RYR3: variants seen among roughly 807,000 people sequenced by gnomAD.
RYR3 encodes brain ryanodine receptor-calcium release channel.
In RYR3, 207 loss-of-function variants were observed where a neutral mutation model predicts 584.3. The observed-to-expected ratio is 0.35, with a 90% CI of 0.32 to 0.40. The LOEUF (loss-of-function observed/expected upper bound fraction) is 0.40. Among genes scored for constraint, RYR3 ranks in the 10% least tolerant of loss-of-function variants. The pLI is 1.00. For missense variants in RYR3, 5,616 were observed against 6,089.2 expected, an observed-to-expected ratio of 0.92 and a Z score of 2.59; for synonymous variants, 2,416 against 2,248.5, an observed-to-expected ratio of 1.07 and a Z score of -2.11.
intron 1 of RYR3, among the ~76,000 whole-genome samples, chr15:33,407,897 C>G (rs529697379): frequency 4.0e-4 from 61 of 152,192 alleles, no homozygotes; most frequent in African/African-American, 1.1e-3. Context: ...TGTTTCCCCT[C>G]TACTCTCATT....
At chr15:33,335,479 G>A (rs746888055) in intron 1 of RYR3, among the ~76,000 whole-genome samples, 1 of 152,136 alleles carries the variant, frequency 6.6e-6, no homozygotes, top group Non-Finnish European at 1.5e-5. Flanking sequence ...GCTATATGAT[G>A]AGAACACATG....
At chr15:33,690,064 T>G (rs1220185055) in intron 38 of RYR3, among the ~76,000 whole-genome samples, 1 of 152,228 alleles carries the variant, frequency 6.6e-6, no homozygotes, top group Non-Finnish European at 1.5e-5. Flanking sequence ...CCTGGACACA[T>G]ATCAACTTCA....
At chr15:33,564,373 A>T (rs2057582131) in intron 11 of RYR3, among the ~76,000 whole-genome samples, 2 of 152,344 alleles carry the variant, frequency 1.3e-5, no homozygotes, top group African/African-American at 2.4e-5. Context: ...AGTACTAGGG[A>T]TATACAAGTC....
intron 54 of RYR3, 44 bp from the exon 55 acceptor site, chr15:33,748,424 A>G (rs759480947): frequency 1.9e-6 from 3 of 1,595,864 alleles, no homozygotes; most frequent in Admixed American, 3.4e-5. Context: ...GATAAGAACA[A>G]GGAAAATAAT....
intron 42 of RYR3, among the ~76,000 whole-genome samples, chr15:33,702,365 T>G (rs2066367505): frequency 6.6e-6 from 1 of 152,132 alleles, no homozygotes; most frequent in Non-Finnish European, 1.5e-5. Flanking sequence ...GAGGAGAGTT[T>G]TGGTAGTAAT....
intron 32 of RYR3, among the ~76,000 whole-genome samples, chr15:33,655,243 C>T (rs975938865): frequency 1.3e-5 from 2 of 152,146 alleles, no homozygotes; most frequent in Non-Finnish European, 2.9e-5. Context: ...ATGATTCTAT[C>T]TCCTCCACCC....
intron 93 of RYR3, chr15:33,846,972 A>G (rs1336456279): frequency 1.3e-5 from 2 of 152,228 alleles, no homozygotes; most frequent in African/African-American, 4.8e-5. Context: ...AAAAAGAAAC[A>G]CTATTTAGCA....
rs1364759155 is a variant in RYR3 at position 33,311,504 on chromosome 15, C to T, written c.51+408C>T. On this transcript the variant is annotated intron_variant, in intron 1 of 103. Transcript: ENST00000634891. This position sits in a 1 kb window ranked among gnomAD's most constrained non-coding sequence, Gnocchi z 4.4. Reference sequence around the variant, plus strand: ...TGACACCTCCATACTCCACCCCAGCCCCATTCCTCTTCCAGGGCGCCCCCA... The same window carrying T: ...TGACACCTCCATACTCCACCCCAGCTCCATTCCTCTTCCAGGGCGCCCCCA... Among the ~76,000 whole-genome samples the T allele has an allele frequency of 6.6e-6, 1 of 152,220 alleles. No homozygotes were observed. The highest frequency in any genetic ancestry group is 2.4e-5 in the African/African-American group (1 of 41,470).
At chr15:33,551,731 T>C (rs964520421) in intron 10 of RYR3, among the ~76,000 whole-genome samples, 11 of 150,154 alleles carry the variant, frequency 7.3e-5, no homozygotes, top group African/African-American at 2.8e-4. Context: ...TCTGAGCATA[T>C]CTTCCTCACT....
At chr15:33,677,958 C>A (rs2064299135) in intron 38 of RYR3, among the ~76,000 whole-genome samples, 1 of 152,130 alleles carries the variant, frequency 6.6e-6, no homozygotes, top group East Asian at 1.9e-4. Flanking sequence ...TGGACACCAC[C>A]TATTTATAGG....
At chr15:33,432,668 T>TGTGTGTGTGTGTGTGGGTG (rs113646851) in intron 1 of RYR3, among the ~76,000 whole-genome samples, 1 of 132,142 alleles carries the variant, frequency 7.6e-6, no homozygotes, top group African/African-American at 3.2e-5. Flanking sequence ...GCCTAGCTAA[T>TGTGTGTGTGTGTGTGGGTG]TGTGTGTGTG....
intron 1 of RYR3, among the ~76,000 whole-genome samples, chr15:33,325,361 A>G (rs1969532734): frequency 1.3e-5 from 2 of 152,234 alleles, no homozygotes; most frequent in Admixed American, 1.3e-4. Context: ...GCCATCACTC[A>G]TATCTAAAGA....
rs751474795 is a variant in RYR3 at position 33,853,732 on chromosome 15, C to A, written c.13799+50C>A. ...TCCAAAGCAGCTAAAATAGATAGAT[C>A]TTTGCTTTTCCATAGGAAAAAATCA... On this transcript the variant is annotated intron_variant, in intron 96 of 103. Transcript: ENST00000634891. The A allele has an allele frequency of 1.9e-5, 30 of 1,577,118 alleles. No individual in the cohort carries two copies. The Admixed American group carries it at 5.1e-4, about 27-fold the overall frequency.
Position 33,836,945 on chromosome 15 carries a change from C to A in RYR3, c.11608C>A (p.Leu3870Ile), listed in dbSNP as rs2078091610. The A allele has an allele frequency of 6.2e-7, 1 of 1,613,636 alleles. No individual in the cohort carries two copies. The highest frequency in any genetic ancestry group is 1.7e-5 in the Admixed American group (1 of 59,960). Residue 3870 changes from leucine to isoleucine, a missense_variant, in exon 88 of 104, where the codon CTC becomes ATC. By Grantham distance (5) the Leu-to-Ile change is conservative (BLOSUM62 2). Around this residue, in one of 9 missense-constraint regions of RYR3, gnomAD observed 13 missense variants for 41.1 expected, o/e 0.32. Transcript: ENST00000634891. ...QIELLKELLD[L>I]LQDMVVMLLS... is the part of the protein sequence containing the mutation. Reference sequence around the variant, plus strand: ...CGAGCTGCTGAAGGAACTCTTGGATCTCCTTCAGGACATGGTGGTGATGCT... The same window carrying A: ...CGAGCTGCTGAAGGAACTCTTGGATATCCTTCAGGACATGGTGGTGATGCT...
intron 1 of RYR3, among the ~76,000 whole-genome samples, chr15:33,409,718 G>A (rs377218264): frequency 7.9e-5 from 12 of 152,202 alleles, no homozygotes; most frequent in Non-Finnish European, 1.2e-4. Context: ...GTGGGTGTAC[G>A]AGAGAGAGAA....
intron 18 of RYR3, among the ~76,000 whole-genome samples, chr15:33,608,394 CAG>C (rs1302917603): frequency 2.0e-5 from 3 of 152,224 alleles, no homozygotes; most frequent in East Asian, 1.9e-4. Flanking sequence ...AAAGCCCTCA[CAG>C]GGGTGGAGAT....
intron 67 of RYR3, among the ~76,000 whole-genome samples, chr15:33,791,932 G>A (rs2075187638): frequency 6.6e-6 from 1 of 152,106 alleles, no homozygotes. Flanking sequence ...GGACAGAGAA[G>A]TGAAATGCAT....
intron 69 of RYR3, among the ~76,000 whole-genome samples, chr15:33,802,534 C>A (rs1256782785): frequency 2.0e-5 from 3 of 151,934 alleles, no homozygotes; most frequent in Admixed American, 6.5e-5. Flanking sequence ...TATCGGACAT[C>A]TGTCTGAAGA....
At position 33,640,223 on chromosome 15, in the gene RYR3, C is replaced by T. The variant is rs565297560; in HGVS notation, c.3556+3673C>T. Among the ~76,000 whole-genome samples the T allele has an allele frequency of 9.8e-5, 15 of 152,332 alleles. No individual in the cohort carries two copies. The East Asian group carries it at 1.5e-3, about 16-fold the overall frequency. ...TGTCACTGCCATCTGCAGGCACACA[C>T]GCTGGTACCCAGGGTCCCCTGTCAT... is the stretch of plus-strand genomic sequence containing the variant. On this transcript the variant is annotated intron_variant, in intron 27 of 103. Transcript: ENST00000634891.
Sources: gnomAD v4.1 joint callset for allele counts (sites outside exome capture counted in the v4.1 genomes callset) on GRCh38, gnomAD v4.1.1 for gene constraint, gnomAD v4.1.1 regional missense constraint, Gnocchi (gnomAD v3.1) non-coding constraint, MANE v1.5 for transcripts, NCBI Gene and HGNC (gene_info 2026-07-23, HGNC 2026-07-21) for gene names.